Variants in MTUS1 observed in about 807,000 individuals in gnomAD.
The protein encoded by MTUS1 is microtubule associated scaffold protein 1, also known as microtubule-associated tumor suppressor 1.
Under a neutral mutation model 120.8 loss-of-function variants are expected in MTUS1, and 109 were observed. The ratio of observed to expected loss-of-function variants is 0.90; its 90% confidence interval spans 0.77 to 1.06. The LOEUF (loss-of-function observed/expected upper bound fraction) is 1.06. Among genes scored for constraint, MTUS1 ranks in the 50% least tolerant of loss-of-function variants. The pLI, the probability that MTUS1 is intolerant of heterozygous loss-of-function variation, is 0.00. For synonymous variants in MTUS1, 737 were observed against 550.5 expected, an observed-to-expected ratio of 1.34 and a Z score of -4.74; for missense variants, 2,210 against 1,486.3, an observed-to-expected ratio of 1.49 and a Z score of -8.01.
At chr8:17,674,429 G>T in intron 8 of MTUS1, 1 of 968,092 alleles carries the variant, frequency 1.0e-6, no homozygotes, top group Non-Finnish European at 1.2e-6. Flanking sequence ...AAAAAAAAAA[G>T]AAAAAGAAAC....
chr8:17,770,105 C>T (rs2049915109), intron 1 of MTUS1, among the ~76,000 whole-genome samples: 1 of 152,118 alleles, frequency 6.6e-6, no homozygotes, highest in Non-Finnish European at 1.5e-5. Flanking sequence ...TAATAATATA[C>T]AACATTTTTA....
intron 8 of MTUS1, among the ~76,000 whole-genome samples, chr8:17,662,034 C>G: frequency 6.6e-6 from 1 of 152,194 alleles, no homozygotes; most frequent in East Asian, 1.9e-4. Flanking sequence ...TCCTCGGCAG[C>G]TGTGACATAA....
intron 3 of MTUS1, among the ~76,000 whole-genome samples, chr8:17,726,841 G>A (rs1007034921): frequency 2.0e-5 from 3 of 152,124 alleles, no homozygotes; most frequent in Middle Eastern, 3.2e-3. Context: ...GGTTGGGCAC[G>A]TAACAGATCA....
At chr8:17,731,690 AAAC>A (rs1444407041) in intron 3 of MTUS1, among the ~76,000 whole-genome samples, 2 of 152,360 alleles carry the variant, frequency 1.3e-5, no homozygotes, top group East Asian at 3.9e-4. Context: ...AAAGACATAA[AAAC>A]AACAGGCAAA....
intron 1 of MTUS1, among the ~76,000 whole-genome samples, chr8:17,757,361 AGTG>A (rs758702072): frequency 1.4e-4 from 21 of 152,198 alleles, no homozygotes; most frequent in Non-Finnish European, 2.8e-4. Context: ...GAAAACCTAA[AGTG>A]GCTGCTAATT....
chr8:17,689,227 A>C (rs1049920950), intron 6 of MTUS1, among the ~76,000 whole-genome samples: 4 of 151,956 alleles, frequency 2.6e-5, no homozygotes, highest in African/African-American at 9.7e-5. Flanking sequence ...CAAACAAACA[A>C]ACAAACAAAA....
At chr8:17,679,562 T>C (rs559011380) in intron 7 of MTUS1, among the ~76,000 whole-genome samples, 2 of 152,078 alleles carry the variant, frequency 1.3e-5, no homozygotes, top group South Asian at 4.2e-4. Context: ...AGTGCGGTGG[T>C]GCGATCTTGG....
chr8:17,787,677 A>T (rs2051419660), intron 1 of MTUS1, among the ~76,000 whole-genome samples: 1 of 152,232 alleles, frequency 6.6e-6, no homozygotes, highest in African/African-American at 2.4e-5. Context: ...TCCATCTCAT[A>T]GGGTCGTTTT....
At chr8:17,716,773 C>G (rs1002079994) in intron 4 of MTUS1, among the ~76,000 whole-genome samples, 2 of 152,170 alleles carry the variant, frequency 1.3e-5, no homozygotes, top group African/African-American at 4.8e-5. Context: ...GCAGGATGGT[C>G]TCGATCTCCT....
Position 17,744,407 on chromosome 8 carries a change from C to G in MTUS1, c.2092-608G>C, listed in dbSNP as rs527879979. Among the ~76,000 whole-genome samples, 89 of 152,188 alleles carry G rather than the reference C, an allele frequency of 5.8e-4. 1 individual carries two copies. The highest frequency in any genetic ancestry group is 2.1e-3 in the African/African-American group (88 of 41,538). ...CCGAGACACTCCTTTCTATTGATTT[C>G]AGGTCTTTAGATAATAACTTCTTTA... On this transcript the variant is annotated intron_variant, in intron 2 of 14. Transcript: ENST00000693296.
chr8:17,667,474 T>C (rs538396823), intron 8 of MTUS1, among the ~76,000 whole-genome samples: 2 of 152,244 alleles, frequency 1.3e-5, no homozygotes, highest in Non-Finnish European at 2.9e-5. Flanking sequence ...ACATTCCATA[T>C]GGCGTGAGGC....
chr8:17,665,973 C>T (rs1217678562), intron 8 of MTUS1, among the ~76,000 whole-genome samples: 1 of 152,100 alleles, frequency 6.6e-6, no homozygotes, highest in Non-Finnish European at 1.5e-5. Flanking sequence ...CCGGGCCTCC[C>T]CTAAGGTTCT....
At chr8:17,647,579 C>T (rs911580843) in intron 13 of MTUS1, among the ~76,000 whole-genome samples, 3 of 152,158 alleles carry the variant, frequency 2.0e-5, no homozygotes, top group African/African-American at 7.2e-5. Flanking sequence ...GCATTTGCGT[C>T]TGAGTGGCCA....
chr8:17,680,356 C>A lies in MTUS1; in HGVS notation c.2838+3972G>T, dbSNP rs550284886. ...GTGGGCATCCGTAATCCCAGCTACTCAGGAGGCTGAGTCAGGAGAACTGGT... is the reference window on the plus strand; with the variant it reads ...GTGGGCATCCGTAATCCCAGCTACTAAGGAGGCTGAGTCAGGAGAACTGGT... On this transcript the variant is annotated intron_variant, in intron 7 of 14. Transcript: ENST00000693296. 2.7e-4 allele frequency among the ~76,000 whole-genome samples: 40 copies of A among 150,594 alleles called. No homozygotes were observed. The South Asian group carries it at 8.5e-3, about 32-fold the overall frequency.
rs570778518 is a variant in MTUS1, at chr8:17,647,393, AACCCTGCAG to A, written c.3502-323_3502-315del. 361 of 238,672 alleles carry A rather than the reference AACCCTGCAG, an allele frequency of 1.5e-3. 2 individuals carry two copies. The highest frequency in any genetic ancestry group is 7.7e-3 in the African/African-American group (339 of 43,844). 14.8% of individuals were successfully genotyped at this position (238,672 alleles called of 1,614,324 possible). A position where few individuals can be genotyped will look rare whatever the true frequency, so the allele number is the denominator to read the frequency against. ...CCTCTTTCTGTTTCAATGTGAAATA[AACCCTGCAG>A]ACACACTGCCCACACTTATCAAAGC... On this transcript the variant is annotated intron_variant, in intron 13 of 14. Transcript: ENST00000693296.
intron 8 of MTUS1, among the ~76,000 whole-genome samples, chr8:17,663,529 C>T (rs181736440): frequency 6.6e-6 from 1 of 152,208 alleles, no homozygotes; most frequent in Non-Finnish European, 1.5e-5. Flanking sequence ...AAATCTCAGT[C>T]ACACCACTCA....
At chr8:17,697,305 G>C (rs1818168202) in intron 6 of MTUS1, 1 of 1,614,154 alleles carries the variant, frequency 6.2e-7, no homozygotes, top group Non-Finnish European at 8.5e-7. Flanking sequence ...GGAAGTCGAA[G>C]GTTTCGAAGC....
rs185072161 is a variant in MTUS1, at chr8:17,675,433, G to A, written c.2839-181C>T. 1.4e-3 allele frequency among the ~76,000 whole-genome samples: 210 copies of A among 152,260 alleles called. 1 individual carries two copies. Among genetic ancestry groups the A allele is most frequent in the Middle Eastern group, 3.4e-3 (1 of 294 alleles). On this transcript the variant is annotated intron_variant, in intron 7 of 14. Transcript: ENST00000693296. ...TGTCCCTTAGCTGTTAAGGAAATTC[G>A]TAATTCAAAAATCTGTATTTTTGCA...
chr8:17,692,276 A>G (rs554773328), intron 6 of MTUS1: 2 of 151,796 alleles, frequency 1.3e-5, no homozygotes, highest in African/African-American at 4.8e-5. Context: ...TGTGACTAAG[A>G]CCCGGCCAAT....
Sources: allele counts gnomAD v4.1 joint callset (sites outside exome capture counted in the v4.1 genomes callset), GRCh38; gene constraint gnomAD v4.1.1; transcripts MANE v1.5; gene names NCBI Gene and HGNC (gene_info 2026-07-23, HGNC 2026-07-21).